Variants in FGF12 observed in about 807,000 individuals in gnomAD.
FGF12 encodes fibroblast growth factor 12B.
FGF12 carries 14 observed loss-of-function variants against 23.6 expected under a neutral mutation model. The observed-to-expected ratio is 0.59, with a 90% confidence interval of 0.39 to 0.93. FGF12 has a LOEUF of 0.93. Among genes scored for constraint, FGF12 ranks in the 40% least tolerant of loss-of-function variants. The pLI is 0.00. For synonymous variants in FGF12, 62 were observed against 77.3 expected (o/e 0.80, Z 1.04); for missense variants, 175 against 217.8 (o/e 0.80, Z 1.24).
At chr3:192,628,678 A>G (rs1260181592) in intron 2 of FGF12, among the ~76,000 whole-genome samples, 3 of 149,910 alleles carry the variant, frequency 2.0e-5, no homozygotes, top group Non-Finnish European at 4.4e-5. Context: ...ACATTAAAAA[A>G]GTATATATAC....
At chr3:192,634,984 T>C (rs181937701) in intron 2 of FGF12, among the ~76,000 whole-genome samples, 13 of 152,182 alleles carry the variant, frequency 8.5e-5, no homozygotes, top group Non-Finnish European at 1.2e-4. Flanking sequence ...CTCAGCCTCC[T>C]GAGTAGCTGG....
At chr3:192,192,842 A>C (rs1326414599) in intron 4 of FGF12, among the ~76,000 whole-genome samples, 1 of 152,220 alleles carries the variant, frequency 6.6e-6, no homozygotes, top group Non-Finnish European at 1.5e-5. Context: ...ATAGCATATC[A>C]TTGTGTAAAT....
At chr3:192,481,808 G>C (rs958921780) in intron 2 of FGF12, among the ~76,000 whole-genome samples, 1 of 152,168 alleles carries the variant, frequency 6.6e-6, no homozygotes, top group Non-Finnish European at 1.5e-5. Context: ...TGGTGTTTAA[G>C]CCAGGCTGAG....
At chr3:192,665,382 A>C (rs1716828544) in intron 2 of FGF12, among the ~76,000 whole-genome samples, 1 of 152,162 alleles carries the variant, frequency 6.6e-6, no homozygotes, top group African/African-American at 2.4e-5. Flanking sequence ...TAAACCTGAA[A>C]TCAATAAAGG....
At chr3:192,271,587 C>T (rs4687309) in intron 4 of FGF12, among the ~76,000 whole-genome samples, 51,846 of 152,056 alleles carry the variant, frequency 0.34, 9,958 homozygotes, top group East Asian at 0.89. Flanking sequence ...TCACCTCTGC[C>T]TTCCTTCTTT....
intron 5 of FGF12, among the ~76,000 whole-genome samples, chr3:192,154,647 C>G (rs1426348431): frequency 6.8e-6 from 1 of 148,124 alleles, no homozygotes; most frequent in Non-Finnish European, 1.5e-5. Flanking sequence ...GTCAGGGACC[C>G]ACTTGAGGAG....
At chr3:192,472,446 A>G (rs543137092) in intron 2 of FGF12, among the ~76,000 whole-genome samples, 4 of 152,234 alleles carry the variant, frequency 2.6e-5, no homozygotes, top group African/African-American at 9.6e-5. Context: ...TTCCTTTCCT[A>G]ACACTGTCAC....
Position 192,199,719 on chromosome 3 carries a change from T to A in FGF12, c.229-29063A>T, listed in dbSNP as rs1035382558. ...CTTGCCAATCTGAAAAGGCAAAAAA[T>A]AAAAAGGTAGTCTAGCTGTTTATGA... On this transcript the variant is annotated intron_variant, in intron 4 of 5. Transcript: ENST00000445105. Among the ~76,000 whole-genome samples the A allele has an allele frequency of 5.9e-5, 9 of 152,102 alleles. No individual in the cohort carries two copies. In the East Asian group the frequency reaches 1.7e-3, roughly 29 times the overall value.
chr3:192,146,364 G>A (rs781213945), intron 5 of FGF12, among the ~76,000 whole-genome samples: 14 of 149,184 alleles, frequency 9.4e-5, no homozygotes, highest in Non-Finnish European at 1.9e-4. Context: ...TCCGCCTCCC[G>A]GGTTCATGCC....
At chr3:192,293,999 G>A (rs1341215970) in intron 4 of FGF12, among the ~76,000 whole-genome samples, 1 of 151,944 alleles carries the variant, frequency 6.6e-6, no homozygotes, top group Admixed American at 6.6e-5. Context: ...GCACCTGGTG[G>A]GAGATAATTG....
At chr3:192,646,505 T>C (rs531496011) in intron 2 of FGF12, among the ~76,000 whole-genome samples, 20 of 152,162 alleles carry the variant, frequency 1.3e-4, no homozygotes, top group African/African-American at 4.1e-4. Context: ...AAATGTGAAA[T>C]AGCCATATAA....
chr3:192,257,739 C>G (rs1423494689), intron 4 of FGF12, among the ~76,000 whole-genome samples: 1 of 151,990 alleles, frequency 6.6e-6, no homozygotes, highest in African/African-American at 2.4e-5. Flanking sequence ...CCAGAAGTCT[C>G]CCTTTGAAGA....
intron 2 of FGF12, among the ~76,000 whole-genome samples, chr3:192,470,591 G>A (rs775637852): frequency 8.6e-5 from 13 of 151,882 alleles, no homozygotes; most frequent in Admixed American, 3.3e-4. Context: ...GTTTCATCAC[G>A]TTGGCCAGGC....
At chr3:192,170,061 T>A (rs968982568) in intron 5 of FGF12, among the ~76,000 whole-genome samples, 18 of 147,180 alleles carry the variant, frequency 1.2e-4, no homozygotes, top group African/African-American at 4.6e-4. Context: ...CCACTTCTTT[T>A]CTACTTTCAA....
intron 2 of FGF12, among the ~76,000 whole-genome samples, chr3:192,581,637 T>C (rs997415856): frequency 1.3e-5 from 2 of 151,996 alleles, no homozygotes; most frequent in Admixed American, 1.3e-4. Context: ...ATTGAAATAT[T>C]CAACTCCCAT....
At chr3:192,222,071 T>C (rs1718503688) in intron 4 of FGF12, among the ~76,000 whole-genome samples, 2 of 152,126 alleles carry the variant, frequency 1.3e-5, no homozygotes, top group South Asian at 4.1e-4. Context: ...ATTCAGATAC[T>C]ATCCATAAAT....
At chr3:192,314,298 C>A (rs1462446703) in intron 4 of FGF12, among the ~76,000 whole-genome samples, 3 of 149,980 alleles carry the variant, frequency 2.0e-5, no homozygotes, top group East Asian at 3.9e-4. Context: ...AAAAAAAAAA[C>A]AAAATAAAAG....
intron 4 of FGF12, among the ~76,000 whole-genome samples, chr3:192,255,955 T>G (rs1435407883): frequency 6.6e-6 from 1 of 152,070 alleles, no homozygotes; most frequent in African/African-American, 2.4e-5. Flanking sequence ...TTAATGAAAT[T>G]TATAGTGCTT....
chr3:192,341,607 A>G (rs934297009), intron 3 of FGF12, among the ~76,000 whole-genome samples: 16 of 152,170 alleles, frequency 1.1e-4, no homozygotes, highest in Admixed American at 8.5e-4. Context: ...ACCCCACATA[A>G]GATAAGCTTT....
Sources: allele counts gnomAD v4.1 joint callset (sites outside exome capture counted in the v4.1 genomes callset), GRCh38; gene constraint gnomAD v4.1.1; transcripts MANE v1.5; gene names NCBI Gene and HGNC (gene_info 2026-07-23, HGNC 2026-07-21).